The following PCDHA2 variants were observed in gnomAD, a reference collection of about 807,000 sequenced individuals.
PCDHA2 encodes the protein protocadherin alpha-2.
Under a neutral mutation model 66.0 loss-of-function variants are expected in PCDHA2, and 58 were observed. The observed-to-expected ratio is 0.88, with a 90% CI of 0.71 to 1.09. PCDHA2 has a LOEUF of 1.09. Ranked by LOEUF, PCDHA2 falls within the 50% of genes least tolerant of loss-of-function variation. The pLI is 0.00. For missense variants in PCDHA2, 1,267 were observed against 1,242.3 expected (o/e 1.02, Z -0.30); for synonymous variants, 634 against 554.0 (o/e 1.14, Z -2.03).
intron 1 of PCDHA2, among the ~76,000 whole-genome samples, chr5:140,873,979 T>C (rs1210499789): frequency 6.6e-6 from 1 of 152,156 alleles, no homozygotes; most frequent in Non-Finnish European, 1.5e-5. Context: ...AAAATTAAAG[T>C]TCCTTAGCAT....
At chr5:140,836,414 G>A in intron 1 of PCDHA2, 3 of 1,613,824 alleles carry the variant, frequency 1.9e-6, no homozygotes, top group Non-Finnish European at 1.7e-6. Context: ...AGGCACCAAA[G>A]GCGTCGTCGC....
chr5:140,891,920 C>G (rs1396526194), intron 1 of PCDHA2, among the ~76,000 whole-genome samples: 10 of 152,206 alleles, frequency 6.6e-5, no homozygotes, highest in Non-Finnish European at 8.8e-5. Flanking sequence ...GATGCTGGTG[C>G]CTTGATCTTG....
In PCDHA2 at chr5:140,795,021, G is replaced by A; in HGVS notation, c.57G>A (p.Leu19=). The change falls in exon 1 of 4, where the codon CTG becomes CTA. Residue 19 remains leucine (L), a synonymous_variant. Transcript: ENST00000526136. ...CCTGGACACGGCTGCTCTCGCTTCT[G>A]CTCCTCGCAGCCTGGGAGGTGGGGA... The part of the protein sequence containing the change: ...RGAWTRLLSL[L]LLAAWEVGSG... 1 of 1,613,784 alleles carries A rather than the reference G, an allele frequency of 6.2e-7. No individual in the cohort carries two copies. Among genetic ancestry groups the A allele is most frequent in the Non-Finnish European group, 8.5e-7 (1 of 1,179,970 alleles).
chr5:140,865,121 A>G (rs1247954384), intron 1 of PCDHA2: 9 of 152,186 alleles, frequency 5.9e-5, no homozygotes, highest in African/African-American at 2.2e-4. Context: ...TTGTGGTGTT[A>G]ATTATACCTT....
intron 1 of PCDHA2, chr5:140,808,377 T>C: frequency 6.2e-7 from 1 of 1,614,180 alleles, no homozygotes; most frequent in Non-Finnish European, 8.5e-7. Flanking sequence ...CCCTTCAAGC[T>C]GGTGTCCACC....
At chr5:140,875,837 A>T in intron 1 of PCDHA2, 1 of 1,614,140 alleles carries the variant, frequency 6.2e-7, no homozygotes, top group Non-Finnish European at 8.5e-7. Context: ...GTGGACGTGG[A>T]GGTGAAGGAC....
chr5:140,823,110 C>T (rs1554129143), intron 1 of PCDHA2: 2 of 1,613,884 alleles, frequency 1.2e-6, no homozygotes, highest in Admixed American at 1.7e-5. Flanking sequence ...TGGAAGTGGC[C>T]GACGTGAACG....
chr5:140,870,678 G>C (rs1304914174), intron 1 of PCDHA2: 1 of 1,612,626 alleles, frequency 6.2e-7, no homozygotes, highest in African/African-American at 1.3e-5. Context: ...TGGACCACGA[G>C]GAGCTGGAGC....
chr5:140,887,196 A>T (rs180902279), intron 1 of PCDHA2, among the ~76,000 whole-genome samples: 49 of 151,316 alleles, frequency 3.2e-4, no homozygotes, highest in African/African-American at 1.1e-3. Context: ...TCCCGGGTTC[A>T]CGCCATTCTC....
At chr5:140,845,678 G>T (rs1374984475) in intron 1 of PCDHA2, among the ~76,000 whole-genome samples, 3 of 149,382 alleles carry the variant, frequency 2.0e-5, no homozygotes, top group Non-Finnish European at 4.5e-5. Flanking sequence ...CATTGGTAAA[G>T]GATTTGTTAT....
intron 1 of PCDHA2, chr5:140,828,674 T>C: frequency 6.2e-7 from 1 of 1,614,218 alleles, no homozygotes; most frequent in Non-Finnish European, 8.5e-7. Context: ...AATTGGGCTC[T>C]TATTAAAGAA....
At chr5:140,878,174 T>C (rs1554170323) in intron 1 of PCDHA2, 2 of 167,818 alleles carry the variant, frequency 1.2e-5, no homozygotes, top group African/African-American at 2.4e-5. Flanking sequence ...TGTTCATAAT[T>C]TCAAGATTAC....
chr5:140,896,583 G>T (rs557774521), intron 1 of PCDHA2, among the ~76,000 whole-genome samples: 1 of 151,654 alleles, frequency 6.6e-6, no homozygotes, highest in South Asian at 2.1e-4. Context: ...TGACGTGTTG[G>T]CCAGGCTGGT....
At chr5:140,941,214 C>CTTCCTTTCTTTCTTTCTTTCTTT (rs1554214039) in intron 1 of PCDHA2, among the ~76,000 whole-genome samples, 1 of 122,414 alleles carries the variant, frequency 8.2e-6, no homozygotes. Flanking sequence ...TTTCTTTCTT[C>CTTCCTTTCTTTCTTTCTTTCTTT]CTTTCTTTCT....
intron 1 of PCDHA2, chr5:140,803,350 A>G: frequency 1.2e-6 from 2 of 1,614,182 alleles, no homozygotes; most frequent in Non-Finnish European, 1.7e-6. Context: ...CTGCTGCTAT[A>G]TACTGCTCTG....
At chr5:140,843,337 C>T in intron 1 of PCDHA2, 4 of 1,596,000 alleles carry the variant, frequency 2.5e-6, no homozygotes, top group Non-Finnish European at 8.6e-7. Context: ...TGGTGGAGAG[C>T]GGCCAGGCTC....
intron 1 of PCDHA2, chr5:140,966,480 TC>T: frequency 2.3e-6 from 1 of 431,902 alleles, no homozygotes; most frequent in Admixed American, 4.4e-5. Flanking sequence ...TGTTTCCTTT[TC>T]CCTCCCCCTG....
chr5:140,838,276 G>A (rs1775636569), intron 1 of PCDHA2, among the ~76,000 whole-genome samples: 1 of 88,868 alleles, frequency 1.1e-5, no homozygotes, highest in South Asian at 3.7e-4. Flanking sequence ...ACCAAGCCAT[G>A]CTAATTTTTT....
chr5:140,859,927 A>G (rs1296278263), intron 1 of PCDHA2: 2 of 152,054 alleles, frequency 1.3e-5, no homozygotes, highest in African/African-American at 2.4e-5. Context: ...AGTAATATAA[A>G]AAACTTAGTA....
Sources: allele counts gnomAD v4.1 joint callset (sites outside exome capture counted in the v4.1 genomes callset), GRCh38; gene constraint gnomAD v4.1.1; transcripts MANE v1.5; gene names NCBI Gene and HGNC (gene_info 2026-07-23, HGNC 2026-07-21).